The following AKAP10 variants were observed in gnomAD, a reference collection of about 807,000 sequenced individuals.
AKAP10 encodes the protein A-kinase anchoring protein 10.
In AKAP10, 24 loss-of-function variants were observed where a neutral mutation model predicts 80.8. The ratio of observed to expected loss-of-function variants is 0.30; its 90% CI spans 0.22 to 0.42. The LOEUF (loss-of-function observed/expected upper bound fraction) is 0.42, where lower values mean the gene tolerates loss of function less well. AKAP10 is among the 10% of genes least tolerant of loss of function. AKAP10 has a pLI of 1.00. For missense variants in AKAP10, 661 were observed against 794.9 expected, an observed-to-expected ratio of 0.83 and a Z score of 2.03; for synonymous variants, 291 against 277.7, an observed-to-expected ratio of 1.05 and a Z score of -0.48.
intron 5 of AKAP10, among the ~76,000 whole-genome samples, chr17:19,946,234 ATATTATATATAT>A (rs1490823373): frequency 0.026 from 448 of 17,242 alleles, 40 homozygotes; most frequent in African/African-American, 0.076. Context: ...ATATATATAT[ATATTATATATAT>A]ATATATATAT....
At chr17:19,907,584 A>AT (rs145837634) in intron 14 of AKAP10, among the ~76,000 whole-genome samples, 5 of 150,948 alleles carry the variant, frequency 3.3e-5, no homozygotes, top group Non-Finnish European at 5.9e-5. Context: ...TGCCCAGCTA[A>AT]TTTTTTTGTA....
Position 19,958,125 on chromosome 17 carries a change from C to T in AKAP10, c.766G>A (p.Gly256Arg). ...GTTTCCATGGAAACTTGGTGAGTTC[C>T]TGCTCTGGCCATTTCAAGACGGAGA... Reference protein sequence around the residue: ...HSLRLEMARAGTHQVSMETQE... With the variant: ...HSLRLEMARARTHQVSMETQE... Residue 256 changes from glycine to arginine, a missense_variant, in exon 4 of 15, where the codon GGA becomes AGA. Gly to Arg is a moderately radical substitution (Grantham distance 125). Coordinates refer to ENST00000225737, the MANE Select transcript of AKAP10 (RefSeq NM_007202.4). 1 of 1,614,124 alleles carries T rather than the reference C, an allele frequency of 6.2e-7. No homozygotes were observed. The highest frequency in any genetic ancestry group is 8.5e-7 in the Non-Finnish European group (1 of 1,180,032).
intron 12 of AKAP10, among the ~76,000 whole-genome samples, chr17:19,914,866 A>G (rs956732049): frequency 1.3e-5 from 2 of 152,148 alleles, no homozygotes; most frequent in Admixed American, 1.3e-4. Flanking sequence ...AGAATAAAAG[A>G]TAGTCCAATG....
intron 10 of AKAP10, among the ~76,000 whole-genome samples, chr17:19,930,673 C>G (rs2042922402): frequency 6.6e-6 from 1 of 151,740 alleles, no homozygotes; most frequent in Admixed American, 6.6e-5. Context: ...GTCAGGGGTT[C>G]AAGACCAGCC....
chr17:19,919,984 C>A lies in AKAP10; in HGVS notation c.1834+52G>T. ...CCTTAAGTGGTCTTTGACTTACAGT[C>A]AATCACTAATGTGAGTAAAGGCTTA... On this transcript the variant is annotated intron_variant, in intron 12 of 14. Coordinates refer to ENST00000225737, the MANE Select transcript of AKAP10 (RefSeq NM_007202.4). The A allele has an allele frequency of 2.1e-6, 3 of 1,456,634 alleles. No individual in the cohort carries two copies. In the South Asian group the frequency reaches 3.6e-5, roughly 17 times the overall value. 90.2% of individuals were successfully genotyped at this position (1,456,634 alleles called of 1,614,324 possible). A position where few individuals can be genotyped will look rare whatever the true frequency, so the allele number is the denominator to read the frequency against.
intron 8 of AKAP10, among the ~76,000 whole-genome samples, chr17:19,937,707 T>C (rs2043007295): frequency 6.6e-6 from 1 of 152,186 alleles, no homozygotes; most frequent in South Asian, 2.1e-4. Context: ...TAATACCTTC[T>C]ACAAACATAC....
In AKAP10 at chr17:19,906,086, T is replaced by C. The variant is rs1183024810; in HGVS notation, c.*141A>G. 1.2e-6 allele frequency: 1 copy of C among 864,738 alleles called. No homozygotes were observed. The highest frequency in any genetic ancestry group is 2.6e-5 in the East Asian group (1 of 38,644). The allele number at this position is 864,738 out of a possible 1,614,324, so 53.6% of individuals were successfully genotyped here. Reference sequence around the variant, plus strand: ...CTGCATTATGGTGGAAGTCTAGGATTGTCTCCCATTCTCTCCTGGAAACAA... The same window carrying C: ...CTGCATTATGGTGGAAGTCTAGGATCGTCTCCCATTCTCTCCTGGAAACAA... On this transcript the variant is annotated 3_prime_UTR_variant, in exon 15 of 15. Transcript: ENST00000225737.
At chr17:19,946,237 T>TAATATATATATA (rs1491288818) in intron 5 of AKAP10, among the ~76,000 whole-genome samples, 1 of 15,184 alleles carries the variant, frequency 6.6e-5, no homozygotes, top group Non-Finnish European at 1.0e-4. Flanking sequence ...TATATATATA[T>TAATATATATATA]TATATATATA....
At chr17:19,957,031 C>T (rs2043285282) in intron 4 of AKAP10, among the ~76,000 whole-genome samples, 1 of 152,020 alleles carries the variant, frequency 6.6e-6, no homozygotes. Flanking sequence ...GAAGAAATCA[C>T]TTAGCCCTTT....
At chr17:19,947,171 T>C in intron 5 of AKAP10, 1 of 488,428 alleles carries the variant, frequency 2.0e-6, no homozygotes, top group African/African-American at 2.0e-5. Context: ...CGGGCAGGCC[T>C]GAGCACCCGC....
chr17:19,962,294 A>G (rs1372925717), intron 3 of AKAP10, among the ~76,000 whole-genome samples: 1 of 100,446 alleles, frequency 1.0e-5, no homozygotes. Flanking sequence ...ATACATACAT[A>G]TACACACACA....
rs549742217 is a variant in AKAP10 at position 19,961,974 on chromosome 17, G to A, written c.319+866C>T. ...CTACAAAAAATTAAAAAATTATCTG[G>A]GTGTGGTGACACATGCCTGCAGTCC... On this transcript the variant is annotated intron_variant, in intron 3 of 14. Coordinates refer to ENST00000225737, the MANE Select transcript of AKAP10 (RefSeq NM_007202.4). 4.6e-5 allele frequency among the ~76,000 whole-genome samples: 7 copies of A among 151,924 alleles called. 1 individual carries two copies. In the South Asian group the frequency reaches 1.2e-3, roughly 27 times the overall value.
chr17:19,971,155 G>A (rs752716261), intron 1 of AKAP10, among the ~76,000 whole-genome samples: 1 of 151,828 alleles, frequency 6.6e-6, no homozygotes, highest in Non-Finnish European at 1.5e-5. Context: ...CCAGCCAAAC[G>A]TGTATATATA....
At position 19,958,242 on chromosome 17, in the gene AKAP10, T is replaced by C. The variant is rs143963669; in HGVS notation, c.649A>G (p.Met217Val). The stretch of plus-strand genomic sequence containing the variant: ...AGGTCAATTCCTTCTGAATGAGTCA[T>C]AAACAACTGTGCTGAGCCAGAATCC... ...LEDSGSAQLF[M>V]THSEGIDLNN... is the part of the protein sequence containing the mutation. Residue 217 changes from methionine to valine, a missense_variant, in exon 4 of 15, where the codon ATG becomes GTG. By Grantham distance (21) the Met-to-Val change is conservative. Transcript: ENST00000225737. 8.7e-6 allele frequency: 14 copies of C among 1,614,084 alleles called. No individual in the cohort carries two copies. The African/African-American group carries it at 1.6e-4, about 18-fold the overall frequency.
chr17:19,925,505 A>G (rs2042866605), intron 10 of AKAP10, among the ~76,000 whole-genome samples: 1 of 152,216 alleles, frequency 6.6e-6, no homozygotes, highest in African/African-American at 2.4e-5. Flanking sequence ...TGTGAAATAC[A>G]GAGCCATAGG....
chr17:19,931,782 T>C (rs901479447), intron 10 of AKAP10, 23 bp downstream of exon 10: 2 of 1,601,038 alleles, frequency 1.2e-6, no homozygotes, highest in Non-Finnish European at 1.7e-6. Flanking sequence ...TTCTCCCTAA[T>C]GGCAGACGCA....
chr17:19,960,021 CG>C (rs2043329367), intron 3 of AKAP10, among the ~76,000 whole-genome samples: 1 of 152,062 alleles, frequency 6.6e-6, no homozygotes, highest in Non-Finnish European at 1.5e-5. Flanking sequence ...CTGGGGCAGG[CG>C]GATCACTAGA....
chr17:19,970,901 T>G (rs1275466562), intron 1 of AKAP10, among the ~76,000 whole-genome samples: 1 of 152,092 alleles, frequency 6.6e-6, no homozygotes, highest in Non-Finnish European at 1.5e-5. Flanking sequence ...ATACAAATAC[T>G]TTTTATTTTT....
chr17:19,969,641 G>C (rs1337047001), intron 1 of AKAP10, among the ~76,000 whole-genome samples: 1 of 151,824 alleles, frequency 6.6e-6, no homozygotes, highest in East Asian at 1.9e-4. Flanking sequence ...AACATTGAAA[G>C]GTGAAAGGCT....
Sources: allele counts gnomAD v4.1 joint callset (sites outside exome capture counted in the v4.1 genomes callset), GRCh38; gene constraint gnomAD v4.1.1; transcripts MANE v1.5; gene names NCBI Gene and HGNC (gene_info 2026-07-23, HGNC 2026-07-21).